The following TEX15 variants were observed in gnomAD, a reference collection of about 807,000 sequenced individuals.
TEX15 encodes testis-expressed protein 15.
A neutral mutation model predicts 237.3 loss-of-function variants in TEX15; 171 were observed. That is an observed-to-expected ratio of 0.72 (90% CI 0.64 to 0.82). The LOEUF (loss-of-function observed/expected upper bound fraction) is 0.82, where lower values mean the gene tolerates loss of function less well. Ranked by LOEUF, TEX15 falls within the 40% of genes least tolerant of loss-of-function variation. The pLI is 0.00. For synonymous variants in TEX15, 1,338 were observed against 1,269.8 expected (o/e 1.05, Z -1.14); for missense variants, 3,750 against 3,646.5 (o/e 1.03, Z -0.73).
At chr8:30,840,722 CTT>C (rs1018312623) in intron 8 of TEX15, among the ~76,000 whole-genome samples, 5 of 152,030 alleles carry the variant, frequency 3.3e-5, no homozygotes, top group African/African-American at 1.2e-4. Context: ...ACATATATGA[CTT>C]ATATACTCAG....
At chr8:30,863,141 A>T (rs1056412885) in intron 5 of TEX15, among the ~76,000 whole-genome samples, 4 of 152,116 alleles carry the variant, frequency 2.6e-5, no homozygotes, top group African/African-American at 9.7e-5. Context: ...CAGATTTTGA[A>T]TTTTTTCAAA....
At chr8:30,859,176 T>A (rs1313409530) in intron 6 of TEX15, among the ~76,000 whole-genome samples, 1 of 152,152 alleles carries the variant, frequency 6.6e-6, no homozygotes, top group South Asian at 2.1e-4. Flanking sequence ...CTGTTTTACA[T>A]GTGGGTGCAT....
At chr8:30,904,391 G>A (rs1203579532) in intron 1 of TEX15, among the ~76,000 whole-genome samples, 2 of 148,762 alleles carry the variant, frequency 1.3e-5, no homozygotes, top group Non-Finnish European at 3.0e-5. Flanking sequence ...AGGTTGCAGT[G>A]AGCCAACATG....
intron 4 of TEX15, among the ~76,000 whole-genome samples, chr8:30,869,423 A>G (rs1337813484): frequency 6.6e-6 from 1 of 152,048 alleles, no homozygotes; most frequent in Non-Finnish European, 1.5e-5. Context: ...TCCGCTTGTA[A>G]CAAGACCAGC....
At chr8:30,892,973 C>T (rs1315969280) in intron 2 of TEX15, among the ~76,000 whole-genome samples, 1 of 147,186 alleles carries the variant, frequency 6.8e-6, no homozygotes, top group Non-Finnish European at 1.5e-5. Flanking sequence ...GTGGAGCTTG[C>T]AGTGAGCCGA....
At chr8:30,889,927 T>TTATATACATATATATATA (rs1554502261) in intron 2 of TEX15, among the ~76,000 whole-genome samples, 22 of 109,900 alleles carry the variant, frequency 2.0e-4, no homozygotes, top group Admixed American at 6.2e-4. Flanking sequence ...TATGTATTAG[T>TTATATACATATATATATA]TATATACATA....
intron 10 of TEX15, among the ~76,000 whole-genome samples, chr8:30,834,839 T>C (rs1807256853): frequency 6.6e-6 from 1 of 152,198 alleles, no homozygotes; most frequent in Non-Finnish European, 1.5e-5. Flanking sequence ...GCAGAGGAGC[T>C]GATGTGATCA....
At chr8:30,873,411 C>T (rs16877444) in intron 4 of TEX15, among the ~76,000 whole-genome samples, 17,711 of 151,998 alleles carry the variant, frequency 0.12, 1,716 homozygotes, top group African/African-American at 0.27. Flanking sequence ...TGTGTCTAAA[C>T]GGGAAATGGT....
At chr8:30,911,931 A>C (rs1809227988) in intron 1 of TEX15, among the ~76,000 whole-genome samples, 1 of 152,120 alleles carries the variant, frequency 6.6e-6, no homozygotes, top group Non-Finnish European at 1.5e-5. Context: ...CCGGGACCCG[A>C]GGGGTTTCAC....
At position 30,846,514 on chromosome 8, in the gene TEX15, C is replaced by T; in HGVS notation, c.3653G>A (p.Cys1218Tyr). The change falls in exon 8 of 11, where the codon TGT becomes TAT. Residue 1218 changes from cysteine to tyrosine, a missense_variant. Transcript: ENST00000643185. Reference protein sequence around the residue: ...QPFGENADYPCEDKVDNIRQE... With the variant: ...QPFGENADYPYEDKVDNIRQE... The stretch of plus-strand genomic sequence containing the variant: ...CCTTATATTATCAACTTTATCTTCA[C>T]ATGGATAATCTGCATTTTCACCAAA... 6.2e-7 allele frequency: 1 copy of T among 1,613,682 alleles called. No individual in the cohort carries two copies. The highest frequency in any genetic ancestry group is 8.5e-7 in the Non-Finnish European group (1 of 1,179,752).
intron 2 of TEX15, among the ~76,000 whole-genome samples, chr8:30,889,735 T>G (rs1008209420): frequency 1.4e-4 from 22 of 151,950 alleles, no homozygotes; most frequent in Non-Finnish European, 2.6e-4. Context: ...CAGCCCAAAC[T>G]TCAACCATGT....
chr8:30,871,433 G>A (rs1585300328), intron 4 of TEX15, among the ~76,000 whole-genome samples: 1 of 152,024 alleles, frequency 6.6e-6, no homozygotes, highest in Non-Finnish European at 1.5e-5. Context: ...TGGTAGCAAC[G>A]AGGCTTCCTT....
rs889333961 is a variant in TEX15 at position 30,847,653 on chromosome 8, A to T, written c.2514T>A (p.Asn838Lys). The T allele has an allele frequency of 8.1e-6, 13 of 1,613,686 alleles. No individual in the cohort carries two copies. The highest frequency in any genetic ancestry group is 1.7e-5 in the Admixed American group (1 of 59,990). ...TGCTTAACTGTGAATTACAGAACAGATTGTGATCCTGACCCCTATCTTCAA... is the reference window on the plus strand; with the variant it reads ...TGCTTAACTGTGAATTACAGAACAGTTTGTGATCCTGACCCCTATCTTCAA... ...AYVEDRGQDH[N>K]LFCNSQLSND... The change falls in exon 8 of 11, where the codon AAT becomes AAA. Residue 838 changes from asparagine to lysine, a missense_variant. By Grantham distance (94) the Asn-to-Lys change is moderately conservative (BLOSUM62 0). Transcript: ENST00000643185.
chr8:30,859,924 G>T lies in TEX15; in HGVS notation c.674C>A (p.Ala225Asp). 1 of 1,491,522 alleles carries T rather than the reference G, an allele frequency of 6.7e-7. No individual in the cohort carries two copies. Among genetic ancestry groups the T allele is most frequent in the East Asian group, 2.5e-5 (1 of 39,846 alleles). 92.4% of individuals were successfully genotyped at this position (1,491,522 alleles called of 1,614,324 possible). ...PSLKDTIELQ[A>D]YSSAVYFYEY... Reference sequence around the variant, plus strand: ...CCATTAACATACTGCTGAACTGTAGGCTTGCAGTTCAATGGTATCTTTCAA... The same window carrying T: ...CCATTAACATACTGCTGAACTGTAGTCTTGCAGTTCAATGGTATCTTTCAA... The change falls in exon 6 of 11, where the codon GCC becomes GAC. Residue 225 changes from alanine (A) to aspartate (D), a missense_variant. Coordinates refer to ENST00000643185, the MANE Select transcript of TEX15 (RefSeq NM_001350162.2).
intron 5 of TEX15, among the ~76,000 whole-genome samples, chr8:30,866,458 GAA>G (rs1808168518): frequency 6.6e-6 from 1 of 151,956 alleles, no homozygotes; most frequent in African/African-American, 2.4e-5. Context: ...AGAAAGTACA[GAA>G]AACTATATTG....
chr8:30,852,295 C>T (rs1261027930), intron 7 of TEX15, among the ~76,000 whole-genome samples: 1 of 151,672 alleles, frequency 6.6e-6, no homozygotes, highest in African/African-American at 2.4e-5. Context: ...TTAGTAGAGA[C>T]AGGGTTTCAC....
At chr8:30,902,803 G>T (rs1278418103) in intron 1 of TEX15, among the ~76,000 whole-genome samples, 1 of 152,112 alleles carries the variant, frequency 6.6e-6, no homozygotes, top group Non-Finnish European at 1.5e-5. Context: ...AAATTCCCAG[G>T]TGACATTGAT....
rs542732955 is a variant in TEX15, at chr8:30,875,344, C to T, written c.137-242G>A. ...TATTAAGAGTTCTTAAAAGTTGACA[C>T]ATACAGATATGACAGTCCCAGAATT... On this transcript the variant is annotated intron_variant, in intron 3 of 10. Coordinates refer to ENST00000643185, the MANE Select transcript of TEX15 (RefSeq NM_001350162.2). Among the ~76,000 whole-genome samples the T allele has an allele frequency of 3.3e-5, 5 of 152,308 alleles. No homozygotes were observed. The South Asian group carries it at 8.3e-4, about 25-fold the overall frequency.
chr8:30,868,285 CT>C (rs1438165010), intron 4 of TEX15, among the ~76,000 whole-genome samples: 1 of 151,960 alleles, frequency 6.6e-6, no homozygotes, highest in African/African-American at 2.4e-5. Context: ...ATATATATCC[CT>C]TCCCTAAAAT....
Sources: allele counts gnomAD v4.1 joint callset (sites outside exome capture counted in the v4.1 genomes callset), GRCh38; gene constraint gnomAD v4.1.1; transcripts MANE v1.5; gene names NCBI Gene and HGNC (gene_info 2026-07-23, HGNC 2026-07-21).